NTN4: variants seen among roughly 807,000 people sequenced by gnomAD.
NTN4 encodes the protein netrin 4.
Under a neutral mutation model 73.6 loss-of-function variants are expected in NTN4, and 32 were observed. That is an observed-to-expected ratio of 0.44 (90% confidence interval 0.33 to 0.58). The LOEUF (loss-of-function observed/expected upper bound fraction) is 0.58, where lower values mean the gene tolerates loss of function less well. Among genes scored for constraint, NTN4 ranks in the 20% least tolerant of loss-of-function variants. The pLI, the probability that NTN4 is intolerant of heterozygous loss-of-function variation, is 0.04. For synonymous variants in NTN4, 258 were observed against 287.5 expected (o/e 0.90, Z 1.04); for missense variants, 654 against 798.3 (o/e 0.82, Z 2.18).
intron 2 of NTN4, among the ~76,000 whole-genome samples, chr12:95,752,832 T>C (rs878891733): frequency 1.3e-5 from 2 of 152,232 alleles, no homozygotes; most frequent in Non-Finnish European, 2.9e-5. Context: ...GCTGCTTTAA[T>C]ACTGTTAGAG....
chr12:95,767,675 A>G (rs1429527188), intron 2 of NTN4, among the ~76,000 whole-genome samples: 1 of 152,178 alleles, frequency 6.6e-6, no homozygotes, highest in Non-Finnish European at 1.5e-5. Flanking sequence ...AGCTGGGAGC[A>G]TAAGGCACCC....
rs115735783 is a variant in NTN4, at chr12:95,744,949, C to T, written c.586-6805G>A. Among the ~76,000 whole-genome samples the T allele has an allele frequency of 1.2e-4, 17 of 140,148 alleles. No individual in the cohort carries two copies. The East Asian group carries it at 2.3e-3, about 19-fold the overall frequency. The allele number at this position is 140,148 out of a possible 152,430, so 91.9% of individuals were successfully genotyped here. ...TCTAAGTTGACTTCTTTTTTTCTTT[C>T]GGCACTTTAAAAGTTTCTGCCTCCG... On this transcript the variant is annotated intron_variant, in intron 2 of 9. Coordinates refer to ENST00000343702, the MANE Select transcript of NTN4 (RefSeq NM_021229.4).
chr12:95,672,301 C>T lies in NTN4; in HGVS notation c.1511-2155G>A, dbSNP rs559067549. ...AGCTGGCACTGCCTCCCAAGCCCGC[C>T]GCCATGGCCGCCTACAAACTGGTGC... On this transcript the variant is annotated intron_variant, in intron 7 of 9. Transcript: ENST00000343702. 4.5e-5 allele frequency: 35 copies of T among 773,174 alleles called. No individual in the cohort carries two copies. In the African/African-American group the frequency reaches 4.6e-4, roughly 10 times the overall value. 47.9% of individuals were successfully genotyped at this position (773,174 alleles called of 1,614,324 possible).
Position 95,773,982 on chromosome 12 carries a change from C to T in NTN4, c.585+12957G>A, listed in dbSNP as rs180969735. Among the ~76,000 whole-genome samples the T allele has an allele frequency of 6.6e-5, 10 of 152,210 alleles. No individual in the cohort carries two copies. In the East Asian group the frequency reaches 1.9e-3, roughly 29 times the overall value. On this transcript the variant is annotated intron_variant, in intron 2 of 9. Transcript: ENST00000343702. Reference sequence around the variant, plus strand: ...AACTGTGATGTTCATTCCCATACAGCTTATTTTAAATGATCTTGGATAACA... The same window carrying T: ...AACTGTGATGTTCATTCCCATACAGTTTATTTTAAATGATCTTGGATAACA...
chr12:95,723,855 A>C (rs2078669716), intron 3 of NTN4, among the ~76,000 whole-genome samples: 1 of 152,064 alleles, frequency 6.6e-6, no homozygotes, highest in African/African-American at 2.4e-5. Flanking sequence ...TGATTCTTTG[A>C]ATTTTCCTTT....
chr12:95,718,430 T>C (rs987794164), intron 3 of NTN4, among the ~76,000 whole-genome samples: 10 of 152,224 alleles, frequency 6.6e-5, no homozygotes, highest in African/African-American at 2.2e-4. Flanking sequence ...AAGATTGTTG[T>C]AGAATATTTA....
At chr12:95,684,412 C>A (rs1164528499) in intron 5 of NTN4, among the ~76,000 whole-genome samples, 1 of 151,948 alleles carries the variant, frequency 6.6e-6, no homozygotes, top group Non-Finnish European at 1.5e-5. Flanking sequence ...GATCCTCCTG[C>A]CTTAGTCTCC....
chr12:95,709,750 C>A (rs937849803), intron 5 of NTN4, among the ~76,000 whole-genome samples: 1 of 152,114 alleles, frequency 6.6e-6, no homozygotes, highest in Non-Finnish European at 1.5e-5. Flanking sequence ...CCAGGCTGGT[C>A]TCGAACTTGT....
chr12:95,775,581 T>C (rs1019905502), intron 2 of NTN4, among the ~76,000 whole-genome samples: 3 of 152,180 alleles, frequency 2.0e-5, no homozygotes, highest in Admixed American at 1.3e-4. Flanking sequence ...GCCTCACTCA[T>C]TGCTAGCACA....
chr12:95,704,641 C>T (rs7305686), intron 5 of NTN4, among the ~76,000 whole-genome samples: 15 of 152,078 alleles, frequency 9.9e-5, no homozygotes, highest in Middle Eastern at 3.4e-3. Context: ...GTAGAGAGTA[C>T]GTAGGTAGAG....
At chr12:95,784,674 G>T (rs2079155194) in intron 2 of NTN4, among the ~76,000 whole-genome samples, 1 of 152,126 alleles carries the variant, frequency 6.6e-6, no homozygotes, top group Non-Finnish European at 1.5e-5. Context: ...GGCTGAGGCA[G>T]GAGAATTGCT....
Position 95,787,059 on chromosome 12 carries a change from C to G in NTN4, c.465G>C (p.Lys155Asn). The change falls in exon 2 of 10, where the codon AAG becomes AAC. Residue 155 changes from lysine to asparagine, a missense_variant. Transcript: ENST00000343702. ...AGTTAGTCGCAAAGTACTTATAAGG[C>G]TTCCATGTTTTCCCAAAGTCCTGGG... ...DRSQDFGKTW[K>N]PYKYFATNCS... The G allele has an allele frequency of 6.2e-7, 1 of 1,614,184 alleles. No individual in the cohort carries two copies. The highest frequency in any genetic ancestry group is 8.5e-7 in the Non-Finnish European group (1 of 1,180,044).
chr12:95,778,074 C>T lies in NTN4; in HGVS notation c.585+8865G>A, dbSNP rs1219608502. Among the ~76,000 whole-genome samples, 8 of 152,074 alleles carry T rather than the reference C, an allele frequency of 5.3e-5. 1 individual carries two copies. The highest frequency in any genetic ancestry group is 1.9e-4 in the East Asian group (1 of 5,184). Reference sequence around the variant, plus strand: ...TCCTGAATGACTACTGGGTACATAACGAAATGAAGGCAGAAATAAAGATGT... The same window carrying T: ...TCCTGAATGACTACTGGGTACATAATGAAATGAAGGCAGAAATAAAGATGT... On this transcript the variant is annotated intron_variant, in intron 2 of 9. Transcript: ENST00000343702.
intron 5 of NTN4, among the ~76,000 whole-genome samples, chr12:95,705,700 C>T (rs2468358): frequency 0.89 from 135,859 of 152,214 alleles, 60,732 homozygotes; most frequent in African/African-American, 0.93. Context: ...CTCCACACTC[C>T]GTAACACAAT....
At chr12:95,714,265 G>T (rs905556704) in intron 3 of NTN4, among the ~76,000 whole-genome samples, 1 of 152,118 alleles carries the variant, frequency 6.6e-6, no homozygotes, top group East Asian at 1.9e-4. Flanking sequence ...GACTTGCAAT[G>T]AATTTCAACC....
At chr12:95,777,472 C>T (rs1185160553) in intron 2 of NTN4, among the ~76,000 whole-genome samples, 1 of 152,016 alleles carries the variant, frequency 6.6e-6, no homozygotes, top group Non-Finnish European at 1.5e-5. Flanking sequence ...GAAGATCTAC[C>T]AAGCAAATGG....
intron 2 of NTN4, among the ~76,000 whole-genome samples, chr12:95,739,390 T>A (rs767353342): frequency 6.6e-6 from 1 of 152,186 alleles, no homozygotes; most frequent in Non-Finnish European, 1.5e-5. Flanking sequence ...CCACATTCTG[T>A]CCCATTTATC....
intron 2 of NTN4, among the ~76,000 whole-genome samples, chr12:95,779,279 A>G (rs559761434): frequency 5.2e-4 from 79 of 152,332 alleles, no homozygotes; most frequent in African/African-American, 1.6e-3. Context: ...CACCACTCCT[A>G]TTCAACATAG....
At chr12:95,726,192 G>T (rs889279969) in intron 3 of NTN4, among the ~76,000 whole-genome samples, 1 of 151,700 alleles carries the variant, frequency 6.6e-6, no homozygotes, top group African/African-American at 2.4e-5. Flanking sequence ...TCAAAATGTT[G>T]TACAGTCATT....
Sources: gnomAD v4.1 joint callset for allele counts (sites outside exome capture counted in the v4.1 genomes callset) on GRCh38, gnomAD v4.1.1 for gene constraint, MANE v1.5 for transcripts, NCBI Gene and HGNC (gene_info 2026-07-23, HGNC 2026-07-21) for gene names.